The following NHSL1 variants were observed in gnomAD, a reference collection of about 807,000 sequenced individuals.
The protein encoded by NHSL1 is NHS like 1, also known as NHS-like protein 1.
NHSL1 carries 48 observed loss-of-function variants against 95.0 expected under a neutral mutation model. The observed-to-expected ratio is 0.51, with a 90% CI of 0.40 to 0.64. NHSL1 has a LOEUF of 0.64. NHSL1 is among the 30% of genes least tolerant of loss of function. The probability of loss-of-function intolerance (pLI) is 0.00; values close to 1 mark genes in which losing one functional copy is unlikely to be tolerated. For synonymous variants in NHSL1, 783 were observed against 833.9 expected, an observed-to-expected ratio of 0.94 and a Z score of 1.05; for missense variants, 1,971 against 2,077.7, an observed-to-expected ratio of 0.95 and a Z score of 1.00.
chr6:138,465,925 T>C (rs991243993), intron 3 of NHSL1, among the ~76,000 whole-genome samples: 83 of 151,000 alleles, frequency 5.5e-4, no homozygotes, highest in African/African-American at 1.9e-3. Context: ...GGTTTTACCA[T>C]GTTGTCCAGG....
At chr6:138,650,335 C>A in intron 1 of NHSL1, 1 of 936,462 alleles carries the variant, frequency 1.1e-6, no homozygotes, top group South Asian at 1.3e-5. Flanking sequence ...GATTTGAACA[C>A]CGGGGAGTAA....
rs796904073 is a variant in NHSL1, at chr6:138,657,833, A to G, written c.96+34643T>C. Among the ~76,000 whole-genome samples the G allele has an allele frequency of 7.5e-3, 1,114 of 147,942 alleles. 6 individuals are homozygous for G. Among genetic ancestry groups the G allele is most frequent in the African/African-American group, 0.024 (975 of 40,094 alleles). ...CCATCTCAAAAAAAAAAAAAAAAAAAAAAGAAAGAAAAAAAGAGTCTATAA... is the reference window on the plus strand; with the variant it reads ...CCATCTCAAAAAAAAAAAAAAAAAAGAAAGAAAGAAAAAAAGAGTCTATAA... On this transcript the variant is annotated intron_variant, in intron 1 of 3. Transcript: ENST00000491526.
At chr6:138,609,053 T>C (rs1000766334) in intron 1 of NHSL1, among the ~76,000 whole-genome samples, 4 of 152,194 alleles carry the variant, frequency 2.6e-5, no homozygotes, top group Non-Finnish European at 5.9e-5. Context: ...TTAGGGAGAA[T>C]AATGCCTATG....
chr6:138,456,693 C>A (rs187979004), intron 3 of NHSL1, among the ~76,000 whole-genome samples: 14 of 152,176 alleles, frequency 9.2e-5, no homozygotes, highest in South Asian at 4.1e-4. Context: ...GGAAAAATTC[C>A]CTATCGACTC....
chr6:138,683,367 G>A (rs554577448), intron 1 of NHSL1, among the ~76,000 whole-genome samples: 11 of 152,290 alleles, frequency 7.2e-5, no homozygotes, highest in Non-Finnish European at 1.2e-4. Flanking sequence ...CATCTGTGGC[G>A]ATACAGGGAC....
intron 1 of NHSL1, among the ~76,000 whole-genome samples, chr6:138,684,296 T>C (rs922065130): frequency 8.6e-5 from 13 of 150,798 alleles, no homozygotes; most frequent in Admixed American, 2.0e-4. Flanking sequence ...GTAACAGTAA[T>C]GACATATTTT....
intron 3 of NHSL1, among the ~76,000 whole-genome samples, chr6:138,468,961 G>A (rs1191978422): frequency 2.6e-5 from 4 of 152,172 alleles, no homozygotes; most frequent in Admixed American, 6.5e-5. Context: ...CTGGCACATA[G>A]AAGGTGATCA....
intron 1 of NHSL1, among the ~76,000 whole-genome samples, chr6:138,536,652 A>G (rs2128320187): frequency 7.8e-6 from 1 of 128,398 alleles, no homozygotes; most frequent in East Asian, 2.3e-4. Flanking sequence ...TCTGGGATAC[A>G]TGTGCAGAAC....
chr6:138,627,665 C>G (rs796796501), intron 1 of NHSL1, among the ~76,000 whole-genome samples: 1 of 151,916 alleles, frequency 6.6e-6, no homozygotes, highest in African/African-American at 2.4e-5. Flanking sequence ...AGGTGGATCA[C>G]GAGGTCAGGA....
In NHSL1 at chr6:138,422,370, G is replaced by GAT. The variant is rs1774973386; in HGVS notation, c.*1710_*1711insAT. On this transcript the variant is annotated 3_prime_UTR_variant, in exon 8 of 8. Transcript: ENST00000343505. ...TTTTGTTTTTTTCAGAGAAGGGAAA[G>GAT]AGCCTTCATTCTTTAGGTTTGTTTT... The GAT allele has an allele frequency of 6.6e-6, 1 of 152,182 alleles. No homozygotes were observed. The highest frequency in any genetic ancestry group is 1.5e-5 in the Non-Finnish European group (1 of 68,014). The allele number at this position is 152,182 out of a possible 1,614,324, so 9.4% of individuals were successfully genotyped here. A position where few individuals can be genotyped will look rare whatever the true frequency, so the allele number is the denominator to read the frequency against.
At position 138,433,531 on chromosome 6, in the gene NHSL1, C is replaced by T. The variant is rs757006189; in HGVS notation, c.814G>A (p.Val272Ile). Reference protein sequence around the residue: ...SSCQTEDVKVVPPSMRRIRAQ... With the variant: ...SSCQTEDVKVIPPSMRRIRAQ... ...CTGATTCTCCTCATGGAAGGTGGTA[C>T]GACCTTCACATCCTCCGTCTGACAG... Residue 272 changes from valine to isoleucine, a missense_variant, in exon 6 of 8, where the codon GTA becomes ATA. Transcript: ENST00000343505. 157 of 1,551,868 alleles carry T rather than the reference C, an allele frequency of 1.0e-4. No homozygotes were observed. The highest frequency in any genetic ancestry group is 1.3e-4 in the Non-Finnish European group (144 of 1,147,066).
At chr6:138,629,973 G>A in intron 1 of NHSL1, among the ~76,000 whole-genome samples, 1 of 152,184 alleles carries the variant, frequency 6.6e-6, no homozygotes, top group East Asian at 1.9e-4. Context: ...TTGATTAAAA[G>A]ATTTACACTA....
intron 1 of NHSL1, among the ~76,000 whole-genome samples, chr6:138,557,618 G>C (rs1783241543): frequency 6.6e-6 from 1 of 152,218 alleles, no homozygotes; most frequent in African/African-American, 2.4e-5. Context: ...GGCATCACCA[G>C]GTCCAATGAC....
Position 138,604,729 on chromosome 6 carries a change from G to A in NHSL1, c.96+87747C>T, listed in dbSNP as rs189222843. Reference sequence around the variant, plus strand: ...CAACCTCTGCCTCCTGGGTTCAAGCGATTCTTATGCCTCGGCCACCTGAGT... The same window carrying A: ...CAACCTCTGCCTCCTGGGTTCAAGCAATTCTTATGCCTCGGCCACCTGAGT... On this transcript the variant is annotated intron_variant, in intron 1 of 3. Transcript: ENST00000491526. 5.9e-5 allele frequency among the ~76,000 whole-genome samples: 9 copies of A among 152,136 alleles called. No individual in the cohort carries two copies. In the East Asian group the frequency reaches 9.7e-4, roughly 16 times the overall value.
chr6:138,538,983 C>G (rs1782473210), intron 1 of NHSL1, among the ~76,000 whole-genome samples: 1 of 152,172 alleles, frequency 6.6e-6, no homozygotes, highest in African/African-American at 2.4e-5. Context: ...TCACTCAGGC[C>G]TTTTGTTTCA....
intron 1 of NHSL1, among the ~76,000 whole-genome samples, chr6:138,559,303 G>A (rs1783323780): frequency 6.6e-6 from 1 of 152,250 alleles, no homozygotes; most frequent in Non-Finnish European, 1.5e-5. Flanking sequence ...CCAGTGAGCA[G>A]GTGCAGGGAA....
intron 1 of NHSL1, among the ~76,000 whole-genome samples, chr6:138,555,926 T>C (rs1010112700): frequency 6.6e-6 from 1 of 151,962 alleles, no homozygotes; most frequent in Non-Finnish European, 1.5e-5. Context: ...TTGAGCAAGC[T>C]AACTCACTTT....
chr6:138,574,960 C>T (rs947074036), upstream of NHSL1, among the ~76,000 whole-genome samples: 4 of 152,216 alleles, frequency 2.6e-5, no homozygotes, highest in African/African-American at 4.8e-5. Context: ...AGTGCAATGG[C>T]GCAATCTCAG....
intron 2 of NHSL1, among the ~76,000 whole-genome samples, chr6:138,485,064 G>T (rs1186061001): frequency 6.6e-6 from 1 of 152,148 alleles, no homozygotes; most frequent in Non-Finnish European, 1.5e-5. Flanking sequence ...CAGCCAAATT[G>T]GAGGCGATCT....
Sources: gnomAD v4.1 joint callset for allele counts (sites outside exome capture counted in the v4.1 genomes callset) on GRCh38, gnomAD v4.1.1 for gene constraint, MANE v1.5 for transcripts, NCBI Gene and HGNC (gene_info 2026-07-23, HGNC 2026-07-21) for gene names.